CREBRF: variants seen among roughly 807,000 people sequenced by gnomAD.
The protein encoded by CREBRF is UPF0474 protein C5orf41.
CREBRF carries 5 observed loss-of-function variants against 66.1 expected under a neutral mutation model. The observed-to-expected ratio is 0.08, with a 90% CI of 0.04 to 0.16. The LOEUF (loss-of-function observed/expected upper bound fraction) is 0.16, where lower values mean the gene tolerates loss of function less well. CREBRF is among the 10% of genes least tolerant of loss of function. The probability of loss-of-function intolerance (pLI) is 1.00; values close to 1 mark genes in which losing one functional copy is unlikely to be tolerated. For synonymous variants in CREBRF, 229 were observed against 264.4 expected, an observed-to-expected ratio of 0.87 and a Z score of 1.30; for missense variants, 531 against 744.9, an observed-to-expected ratio of 0.71 and a Z score of 3.34.
At chr5:173,085,633 T>C (rs1211130971) in intron 2 of CREBRF, 1 of 611,690 alleles carries the variant, frequency 1.6e-6, no homozygotes, top group Non-Finnish European at 2.9e-6. Context: ...GCCAGGCTGG[T>C]CTTGAACTCC....
chr5:173,133,320 G>A (rs1759517682), intron 8 of CREBRF, among the ~76,000 whole-genome samples: 1 of 152,204 alleles, frequency 6.6e-6, no homozygotes, highest in Non-Finnish European at 1.5e-5. Flanking sequence ...AGCAGTGCCT[G>A]TCGGCAGCCT....
intron 8 of CREBRF, among the ~76,000 whole-genome samples, chr5:173,132,091 T>C (rs1398243519): frequency 2.7e-5 from 4 of 150,694 alleles, no homozygotes; most frequent in Non-Finnish European, 5.9e-5. Context: ...ATTTCTTTTT[T>C]TTTTTTTTTT....
At chr5:173,066,987 A>G (rs138789547) in intron 1 of CREBRF, among the ~76,000 whole-genome samples, 2 of 150,738 alleles carry the variant, frequency 1.3e-5, no homozygotes, top group African/African-American at 4.9e-5. Context: ...TTAATTTTTG[A>G]TTTTTTGCAG....
rs181496444 is a variant in CREBRF, at chr5:173,131,756, G to A, written c.1805-1874G>A. ...CTTTTTTTTGTTTGTTTTTGGAGAC[G>A]GAGTCTTGCTCTGTCACCCTGGCTG... On this transcript the variant is annotated intron_variant, in intron 8 of 8. Transcript: ENST00000296953. Among the ~76,000 whole-genome samples the A allele has an allele frequency of 4.9e-4, 74 of 150,862 alleles. 1 individual carries two copies. The East Asian group carries it at 7.3e-3, about 15-fold the overall frequency.
intron 2 of CREBRF, chr5:173,086,132 G>A (rs1214701797): frequency 2.5e-6 from 2 of 793,776 alleles, no homozygotes; most frequent in South Asian, 1.3e-5. Flanking sequence ...ATGGAAATTT[G>A]TTTGTCGTGT....
At chr5:173,068,473 G>C (rs558126274) in intron 1 of CREBRF, among the ~76,000 whole-genome samples, 1 of 152,214 alleles carries the variant, frequency 6.6e-6, no homozygotes, top group Non-Finnish European at 1.5e-5. Flanking sequence ...GGTGAAGCCA[G>C]TATAATGAAC....
At chr5:173,122,940 A>G in intron 7 of CREBRF, 140 bp from the exon 8 acceptor site, 1 of 636,552 alleles carries the variant, frequency 1.6e-6, no homozygotes. Flanking sequence ...ATCATTTTTT[A>G]TGGCTGCATA....
chr5:173,084,866 C>T (rs561174719), intron 2 of CREBRF, among the ~76,000 whole-genome samples: 4 of 152,272 alleles, frequency 2.6e-5, no homozygotes, highest in Admixed American at 1.3e-4. Context: ...AGGATGGTCT[C>T]GATCTCCTGA....
intron 7 of CREBRF, among the ~76,000 whole-genome samples, chr5:173,120,983 G>A (rs952631651): frequency 5.3e-5 from 8 of 151,726 alleles, no homozygotes; most frequent in Non-Finnish European, 8.8e-5. Flanking sequence ...ACGAGCCACC[G>A]CGTCCGGCCT....
intron 8 of CREBRF, among the ~76,000 whole-genome samples, chr5:173,132,085 CTTTT>C (rs34701764): frequency 6.4e-5 from 8 of 124,540 alleles, no homozygotes; most frequent in Admixed American, 8.0e-5. Flanking sequence ...AAATATATTT[CTTTT>C]TTTTTTTTTT....
intron 1 of CREBRF, among the ~76,000 whole-genome samples, chr5:173,059,202 G>T (rs1033170530): frequency 6.7e-6 from 1 of 149,864 alleles, no homozygotes; most frequent in Admixed American, 6.7e-5. Context: ...GAATTCTTAC[G>T]TATAACTTTT....
chr5:173,075,010 A>C (rs1423814455), intron 1 of CREBRF, among the ~76,000 whole-genome samples: 4 of 152,160 alleles, frequency 2.6e-5, no homozygotes, highest in African/African-American at 9.7e-5. Flanking sequence ...GGTATGGCAA[A>C]AGGATCACAG....
chr5:173,111,153 C>T (rs559384085), intron 6 of CREBRF, among the ~76,000 whole-genome samples: 12 of 152,240 alleles, frequency 7.9e-5, no homozygotes, highest in Admixed American at 3.3e-4. Flanking sequence ...TAAAAGCAAA[C>T]CCCTTCCTGC....
intron 7 of CREBRF, among the ~76,000 whole-genome samples, chr5:173,120,196 T>G (rs930507759): frequency 6.6e-6 from 1 of 152,118 alleles, no homozygotes; most frequent in Non-Finnish European, 1.5e-5. Flanking sequence ...TCTCTCTTTC[T>G]TTTTTGTTTG....
intron 3 of CREBRF, among the ~76,000 whole-genome samples, chr5:173,087,272 G>C (rs1422433374): frequency 6.6e-6 from 1 of 151,856 alleles, no homozygotes; most frequent in Non-Finnish European, 1.5e-5. Flanking sequence ...TAGTGCAGAC[G>C]GGGTTTCACC....
intron 7 of CREBRF, among the ~76,000 whole-genome samples, chr5:173,114,122 G>A (rs1464408537): frequency 6.6e-6 from 1 of 152,082 alleles, no homozygotes; most frequent in Middle Eastern, 3.4e-3. Context: ...CTTTGGTGAG[G>A]GCAGAAAAAG....
Position 173,123,186 on chromosome 5 carries a change from C to T in CREBRF, c.1788C>T (p.Leu596=), listed in dbSNP as rs777555114. ...ACATGGGGCAGAAGCTTGAAATCCT[C>T]ATTAAAGATACTCTCGGTAAGAAGA... The part of the protein sequence containing the change: ...GPNMGQKLEI[L]IKDTLGLPVA... The change falls in exon 8 of 9, where the codon CTC becomes CTT. Residue 596 remains leucine (L), a synonymous_variant. Transcript: ENST00000296953. The T allele has an allele frequency of 1.4e-5, 22 of 1,599,766 alleles. No individual in the cohort carries two copies. The highest frequency in any genetic ancestry group is 1.9e-5 in the Non-Finnish European group (22 of 1,176,368).
At chr5:173,075,138 T>G (rs1757721272) in intron 1 of CREBRF, among the ~76,000 whole-genome samples, 1 of 152,192 alleles carries the variant, frequency 6.6e-6, no homozygotes, top group Non-Finnish European at 1.5e-5. Flanking sequence ...TGTCCTTCCT[T>G]AAAGACTAGC....
At chr5:173,065,395 C>T (rs1265642001) in intron 1 of CREBRF, among the ~76,000 whole-genome samples, 1 of 152,040 alleles carries the variant, frequency 6.6e-6, no homozygotes, top group African/African-American at 2.4e-5. Context: ...TCACTTTGTC[C>T]TCTAATTCTC....
Sources: gnomAD v4.1 joint callset for allele counts (sites outside exome capture counted in the v4.1 genomes callset) on GRCh38, gnomAD v4.1.1 for gene constraint, MANE v1.5 for transcripts, NCBI Gene and HGNC (gene_info 2026-07-23, HGNC 2026-07-21) for gene names.